PARP2: variants seen among roughly 807,000 people sequenced by gnomAD.
PARP2 encodes poly [ADP-ribose] polymerase 2.
A neutral mutation model predicts 77.8 loss-of-function variants in PARP2; 57 were observed. The ratio of observed to expected loss-of-function variants is 0.73; its 90% CI spans 0.59 to 0.91. PARP2 has a LOEUF of 0.91. PARP2 is among the 40% of genes least tolerant of loss of function. The pLI is 0.00. For synonymous variants in PARP2, 226 were observed against 242.6 expected (o/e 0.93, Z 0.64); for missense variants, 651 against 689.0 (o/e 0.94, Z 0.62).
rs376717123 is a variant in PARP2 at position 20,345,426 on chromosome 14, G to T, written c.235G>T (p.Ala79Ser). 3 of 1,613,948 alleles carry T rather than the reference G, an allele frequency of 1.9e-6. No individual in the cohort carries two copies. In the African/African-American group the frequency reaches 4.0e-5, roughly 22 times the overall value. ...SVKALLLKGK[A>S]PVDPECTAKV... Reference sequence around the variant, plus strand: ...GAAGGCCTTGCTGTTAAAGGGCAAAGCTCCTGTGGACCCAGAGTGTACAGC... The same window carrying T: ...GAAGGCCTTGCTGTTAAAGGGCAAATCTCCTGTGGACCCAGAGTGTACAGC... The change falls in exon 3 of 16, where the codon GCT (alanine) becomes TCT (serine). Residue 79 changes from alanine (A) to serine (S), a missense_variant. Physicochemically the swap from Ala to Ser is moderately conservative, Grantham distance 99. Transcript: ENST00000429687.
At chr14:20,353,272 C>G (rs527771168) in intron 7 of PARP2, among the ~76,000 whole-genome samples, 6 of 151,158 alleles carry the variant, frequency 4.0e-5, no homozygotes, top group Admixed American at 2.6e-4. Context: ...TACGGAGTCT[C>G]GCTCTGTCGC....
intron 1 of PARP2, 119 bp from the exon 2 acceptor site, chr14:20,344,813 A>C (rs1883648512): frequency 3.9e-6 from 3 of 770,502 alleles, no homozygotes; most frequent in Non-Finnish European, 6.4e-6. Context: ...ACTCCACCTC[A>C]AAACAAAAAA....
Position 20,352,331 on chromosome 14 carries a change from A to G in PARP2, c.584A>G (p.Tyr195Cys), listed in dbSNP as rs369902077. Residue 195 changes from tyrosine to cysteine, a missense_variant, in exon 7 of 16, where the codon TAT becomes TGT. Physicochemically the swap from Tyr to Cys is radical, Grantham distance 194. Transcript: ENST00000429687. ...AAATATGATATGCTACAGATGGACT[A>G]TGCCACCAATACTCAGGTAACTCTC... ...PGKYDMLQMD[Y>C]ATNTQDEEET... 26 of 1,584,554 alleles carry G rather than the reference A, an allele frequency of 1.6e-5. No homozygotes were observed. In the East Asian group the frequency reaches 3.8e-4, roughly 23 times the overall value.
chr14:20,357,606 T>C (rs368044107), intron 15 of PARP2, 32 bp from the exon 16 acceptor site: 34 of 1,608,516 alleles, frequency 2.1e-5, no homozygotes, highest in Non-Finnish European at 2.6e-5. Context: ...AACCAGAGAC[T>C]GATGTTGACA....
In PARP2 at chr14:20,356,047, A is replaced by G; in HGVS notation, c.1101+16A>G. ...TGAGTTCAAAGTAAGAAAAATGATCATTTATTTTCATATTCTTGCACCCTT... is the reference window on the plus strand; with the variant it reads ...TGAGTTCAAAGTAAGAAAAATGATCGTTTATTTTCATATTCTTGCACCCTT... On this transcript the variant is annotated intron_variant, in intron 11 of 15. Transcript: ENST00000429687. 1 of 1,612,396 alleles carries G rather than the reference A, an allele frequency of 6.2e-7. No homozygotes were observed. The highest frequency in any genetic ancestry group is 1.1e-5 in the South Asian group (1 of 90,864).
rs1566418176 is a variant in PARP2, at chr14:20,347,352, GTGTGTATATA to G, written c.324+441_324+450del. Among the ~76,000 whole-genome samples the G allele has an allele frequency of 9.0e-3, 465 of 51,796 alleles. 27 individuals carry two copies. Among genetic ancestry groups the G allele is most frequent in the African/African-American group, 0.037 (429 of 11,644 alleles). The allele number at this position is 51,796 out of a possible 152,430, so 34.0% of individuals were successfully genotyped here. A position where few individuals can be genotyped will look rare whatever the true frequency, so the allele number is the denominator to read the frequency against. On this transcript the variant is annotated intron_variant, in intron 4 of 15. Coordinates refer to ENST00000429687, the MANE Select transcript of PARP2 (RefSeq NM_001042618.2). ...CTTGCCTAAAGTCCTTCATATGTGT[GTGTGTATATA>G]TATATATATATATATATATATATAT...
intron 4 of PARP2, among the ~76,000 whole-genome samples, chr14:20,347,258 G>A (rs1244169973): frequency 2.8e-5 from 4 of 144,886 alleles, no homozygotes; most frequent in East Asian, 2.0e-4. Flanking sequence ...TCTCGAACTC[G>A]TGACTTCAAG....
intron 6 of PARP2, among the ~76,000 whole-genome samples, chr14:20,351,509 T>TA (rs1883954446): frequency 1.3e-5 from 2 of 152,196 alleles, no homozygotes; most frequent in South Asian, 2.1e-4. Flanking sequence ...GTGTGGCTTA[T>TA]AAAAAACTTT....
intron 11 of PARP2, 93 bp downstream of exon 11, chr14:20,356,124 T>C: frequency 6.7e-7 from 1 of 1,495,026 alleles, no homozygotes; most frequent in East Asian, 2.3e-5. Flanking sequence ...CAAGAGCAAA[T>C]TGTCAATTAG....
intron 7 of PARP2, 199 bp downstream of exon 7, chr14:20,352,546 C>G: frequency 3.4e-6 from 1 of 298,082 alleles, no homozygotes; most frequent in Non-Finnish European, 5.5e-6. Context: ...CTCTGCCCAG[C>G]TGATTTTTTT....
rs1884071824 is a variant in PARP2, at chr14:20,354,525, C to T, written c.763+278C>T. The T allele has an allele frequency of 9.5e-6, 5 of 526,198 alleles. No homozygotes were observed. In the South Asian group the frequency reaches 1.3e-4, roughly 14 times the overall value. 32.6% of individuals were successfully genotyped at this position (526,198 alleles called of 1,614,324 possible). ...CAGCCTGGGCAACATGGTGAGACCCCATCTCTACTAAAAATAGAAAAATTA... is the reference window on the plus strand; with the variant it reads ...CAGCCTGGGCAACATGGTGAGACCCTATCTCTACTAAAAATAGAAAAATTA... On this transcript the variant is annotated intron_variant, in intron 8 of 15. Transcript: ENST00000429687.
intron 11 of PARP2, 108 bp downstream of exon 11, chr14:20,356,139 G>T (rs1884140718): frequency 2.1e-6 from 3 of 1,437,748 alleles, no homozygotes; most frequent in Non-Finnish European, 1.9e-6. Context: ...AATTAGGGCA[G>T]ACTTTTTATG....
chr14:20,351,154 T>C (rs371697786), intron 6 of PARP2, 32 bp downstream of exon 6: 13 of 1,532,668 alleles, frequency 8.5e-6, no homozygotes, highest in African/African-American at 1.4e-5. Context: ...CAAAAAAATA[T>C]ACCCTCCTCT....
chr14:20,349,792 A>G (rs1038158770), intron 4 of PARP2, among the ~76,000 whole-genome samples: 2 of 152,044 alleles, frequency 1.3e-5, no homozygotes, highest in African/African-American at 4.8e-5. Context: ...AGATAGAGGT[A>G]GGAAGGGGCA....
chr14:20,350,502 T>G (rs1883915867), intron 4 of PARP2, 24 bp from the exon 5 acceptor site: 10 of 1,326,808 alleles, frequency 7.5e-6, no homozygotes, highest in Non-Finnish European at 9.7e-6. Flanking sequence ...TCCTTTTTTT[T>G]GTTTTTGTTT....
chr14:20,352,203 G>C lies in PARP2; in HGVS notation c.498-42G>C. ...GTCTTGTAAGTCCATCTTCATAGTA[G>C]ACCTTTATTTGTAAAGTTTTCTTAC... On this transcript the variant is annotated intron_variant, in intron 6 of 15. Transcript: ENST00000429687. 8.6e-6 allele frequency: 9 copies of C among 1,051,096 alleles called. No individual in the cohort carries two copies. The East Asian group carries it at 2.1e-4, about 25-fold the overall frequency. The allele number at this position is 1,051,096 out of a possible 1,614,324, so 65.1% of individuals were successfully genotyped here. A position where few individuals can be genotyped will look rare whatever the true frequency, so the allele number is the denominator to read the frequency against.
chr14:20,348,630 T>G (rs1883851418), intron 4 of PARP2, among the ~76,000 whole-genome samples: 1 of 152,238 alleles, frequency 6.6e-6, no homozygotes, highest in African/African-American at 2.4e-5. Flanking sequence ...GACTTCATGT[T>G]TGAATTTATT....
At position 20,352,138 on chromosome 14, in the gene PARP2, G is replaced by A. The variant is rs1156276948; in HGVS notation, c.498-107G>A. ...GATTTATGGAAAGTTGATGTGTAAA[G>A]GAGCTCAGTGCTGGAAAATAAATTC... On this transcript the variant is annotated intron_variant, in intron 6 of 15. Coordinates refer to ENST00000429687, the MANE Select transcript of PARP2 (RefSeq NM_001042618.2). The A allele has an allele frequency of 4.9e-6, 3 of 615,780 alleles. No homozygotes were observed. The African/African-American group carries it at 5.6e-5, about 11-fold the overall frequency. 38.1% of individuals were successfully genotyped at this position (615,780 alleles called of 1,614,324 possible).
chr14:20,351,194 T>C, intron 6 of PARP2, 72 bp downstream of exon 6: 1 of 1,190,484 alleles, frequency 8.4e-7, no homozygotes, highest in Non-Finnish European at 1.2e-6. Flanking sequence ...AAAAAATTTT[T>C]TTTTAGACAG....
Sources: allele counts gnomAD v4.1 joint callset (sites outside exome capture counted in the v4.1 genomes callset), GRCh38; gene constraint gnomAD v4.1.1; transcripts MANE v1.5; gene names NCBI Gene and HGNC (gene_info 2026-07-23, HGNC 2026-07-21).